The following NVL variants were observed in gnomAD, a reference collection of about 807,000 sequenced individuals.
The protein encoded by NVL is nuclear valosin-containing protein-like.
A neutral mutation model predicts 110.2 loss-of-function variants in NVL; 84 were observed. The ratio of observed to expected loss-of-function variants is 0.76; its 90% CI spans 0.64 to 0.91. NVL has a LOEUF of 0.91. Among genes scored for constraint, NVL ranks in the 40% least tolerant of loss-of-function variants. NVL has a pLI of 0.00. For missense variants in NVL, 882 were observed against 1,035.9 expected (o/e 0.85, Z 2.04); for synonymous variants, 354 against 361.1 (o/e 0.98, Z 0.22).
intron 6 of NVL, among the ~76,000 whole-genome samples, chr1:224,305,768 C>T (rs77879018): frequency 6.6e-6 from 1 of 152,232 alleles, no homozygotes; most frequent in South Asian, 2.1e-4. Context: ...GTATCGAACT[C>T]CTGACCTCAG....
intron 2 of NVL, among the ~76,000 whole-genome samples, chr1:224,321,629 A>G (rs1471262529): frequency 6.6e-6 from 1 of 151,890 alleles, no homozygotes; most frequent in Non-Finnish European, 1.5e-5. Flanking sequence ...GGTGGTGTAC[A>G]CCTGTAGTCC....
intron 20 of NVL, 42 bp from the exon 21 acceptor site, chr1:224,233,331 C>A (rs369446124): frequency 6.8e-7 from 1 of 1,473,412 alleles, no homozygotes; most frequent in Non-Finnish European, 9.1e-7. Flanking sequence ...TTAGATACTG[C>A]AAAATCCCAG....
chr1:224,328,178 C>A (rs1671328449), intron 1 of NVL, among the ~76,000 whole-genome samples: 1 of 152,038 alleles, frequency 6.6e-6, no homozygotes, highest in South Asian at 2.1e-4. Context: ...CCCATCAACC[C>A]GTCATCTACA....
At chr1:224,283,322 C>T (rs1378401559) in intron 15 of NVL, among the ~76,000 whole-genome samples, 1 of 152,076 alleles carries the variant, frequency 6.6e-6, no homozygotes, top group Non-Finnish European at 1.5e-5. Context: ...CCCGTCTCTA[C>T]TAAAAATACA....
At chr1:224,268,604 G>A (rs1664732363) in intron 17 of NVL, among the ~76,000 whole-genome samples, 1 of 152,052 alleles carries the variant, frequency 6.6e-6, no homozygotes, top group Non-Finnish European at 1.5e-5. Flanking sequence ...CCAAAGTGCT[G>A]GGATTATAGG....
chr1:224,300,437 C>T, intron 10 of NVL, 125 bp downstream of exon 10: 1 of 573,314 alleles, frequency 1.7e-6, no homozygotes, highest in Non-Finnish European at 3.1e-6. Flanking sequence ...AGCAAATTAC[C>T]ATGTTTATAT....
chr1:224,310,689 C>T (rs1021393651), intron 5 of NVL, among the ~76,000 whole-genome samples: 6 of 152,068 alleles, frequency 3.9e-5, no homozygotes, highest in African/African-American at 7.2e-5. Flanking sequence ...TTTCTCCCTC[C>T]CTTTAGCCCT....
intron 18 of NVL, among the ~76,000 whole-genome samples, chr1:224,251,731 C>A (rs973294262): frequency 5.9e-5 from 9 of 152,098 alleles, no homozygotes; most frequent in Non-Finnish European, 1.0e-4. Flanking sequence ...TTCCAGGATT[C>A]CCTATCTCAG....
chr1:224,238,223 G>T (rs1380279677), intron 19 of NVL, among the ~76,000 whole-genome samples: 1 of 151,962 alleles, frequency 6.6e-6, no homozygotes, highest in African/African-American at 2.4e-5. Flanking sequence ...TGTAGAGATG[G>T]GGTTTCACGA....
intron 22 of NVL, among the ~76,000 whole-genome samples, chr1:224,229,925 G>A (rs1465322741): frequency 6.6e-6 from 1 of 151,700 alleles, no homozygotes; most frequent in African/African-American, 2.4e-5. Flanking sequence ...TCAACCTCCT[G>A]GGCTCAAGTA....
chr1:224,318,618 A>G (rs886520834), intron 2 of NVL, among the ~76,000 whole-genome samples: 9 of 152,020 alleles, frequency 5.9e-5, no homozygotes, highest in African/African-American at 2.2e-4. Context: ...ATAATAAATT[A>G]AAAAACTAAG....
At chr1:224,229,072 A>G (rs1174086218) in intron 22 of NVL, among the ~76,000 whole-genome samples, 2 of 151,914 alleles carry the variant, frequency 1.3e-5, no homozygotes, top group Non-Finnish European at 2.9e-5. Flanking sequence ...AGGCGGGCCA[A>G]TCACCTGAGG....
chr1:224,237,701 C>G (rs1450212248), intron 19 of NVL, among the ~76,000 whole-genome samples: 3 of 150,118 alleles, frequency 2.0e-5, no homozygotes, highest in African/African-American at 7.3e-5. Context: ...TCCCGAGGAG[C>G]TGGAACTACA....
In NVL at chr1:224,304,784, G is replaced by T; in HGVS notation, c.777C>A (p.Ile259=). ...CCACATCTTCAAACTTCACGTTGGA[G>T]ATCTGGAATTCTAACCCCCTGGCTT... is the stretch of plus-strand genomic sequence containing the variant. The part of the protein sequence containing the change: ...KAKARGLEFQ[I]SNVKFEDVGG... The change falls in exon 8 of 23, where the codon ATC becomes ATA. Residue 259 remains isoleucine, a synonymous_variant. Transcript: ENST00000281701. 6.2e-7 allele frequency: 1 copy of T among 1,614,054 alleles called. No individual in the cohort carries two copies. The highest frequency in any genetic ancestry group is 8.5e-7 in the Non-Finnish European group (1 of 1,179,970).
intron 12 of NVL, among the ~76,000 whole-genome samples, chr1:224,292,455 G>A (rs1667463112): frequency 6.6e-6 from 1 of 152,144 alleles, no homozygotes; most frequent in South Asian, 2.1e-4. Flanking sequence ...CACTGGACAA[G>A]GACCAAGGAT....
chr1:224,235,287 C>T (rs1420958342), intron 20 of NVL, among the ~76,000 whole-genome samples: 1 of 152,158 alleles, frequency 6.6e-6, no homozygotes, highest in South Asian at 2.1e-4. Context: ...CCTGTCTCAG[C>T]CTCCCTAGTA....
intron 1 of NVL, among the ~76,000 whole-genome samples, chr1:224,329,381 G>C (rs1671459557): frequency 6.6e-6 from 1 of 152,158 alleles, no homozygotes; most frequent in Non-Finnish European, 1.5e-5. Flanking sequence ...CAGTGGCACA[G>C]AGCACTTCCA....
At chr1:224,320,703 T>C (rs1284295709) in intron 2 of NVL, among the ~76,000 whole-genome samples, 1 of 151,932 alleles carries the variant, frequency 6.6e-6, no homozygotes, top group Non-Finnish European at 1.5e-5. Flanking sequence ...CAGGCTGAAG[T>C]GTAGTTGTGC....
At chr1:224,248,651 T>C (rs984503123) in intron 19 of NVL, among the ~76,000 whole-genome samples, 1 of 152,144 alleles carries the variant, frequency 6.6e-6, no homozygotes, top group Admixed American at 6.6e-5. Flanking sequence ...ATGCTGCAAA[T>C]GTTGAAAAGT....
Sources: gnomAD v4.1 joint callset for allele counts (sites outside exome capture counted in the v4.1 genomes callset) on GRCh38, gnomAD v4.1.1 for gene constraint, MANE v1.5 for transcripts, NCBI Gene and HGNC (gene_info 2026-07-23, HGNC 2026-07-21) for gene names.